The following CRX variants were observed in gnomAD, a reference collection of about 807,000 sequenced individuals.
The protein encoded by CRX is cone-rod homeobox, also known as cone-rod homeobox protein.
In CRX, 5 loss-of-function variants were observed where a neutral mutation model predicts 13.1. The observed-to-expected ratio is 0.38, with a 90% CI of 0.20 to 0.80. The LOEUF is 0.80. CRX is among the 30% of genes least tolerant of loss of function. The probability of loss-of-function intolerance (pLI) is 0.43; values close to 1 mark genes in which losing one functional copy is unlikely to be tolerated. For missense variants in CRX, 351 were observed against 391.8 expected (o/e 0.90, Z 0.88); for synonymous variants, 179 against 171.1 (o/e 1.05, Z -0.36).
intron 2 of CRX, 26 bp downstream of exon 2, chr19:47,834,569 C>A: frequency 6.3e-7 from 1 of 1,593,318 alleles, no homozygotes; most frequent in Admixed American, 1.7e-5. Context: ...TCTCTTGGCA[C>A]CCCAGGCTGG....
chr19:47,832,666 A>G (rs911017877), intron 1 of CRX, among the ~76,000 whole-genome samples: 1 of 146,648 alleles, frequency 6.8e-6, no homozygotes, highest in Non-Finnish European at 1.5e-5. Flanking sequence ...TTGTATTTTT[A>G]GTAGAGACGG....
intron 2 of CRX, among the ~76,000 whole-genome samples, chr19:47,835,617 C>CTTT (rs1431411160): frequency 1.2e-5 from 1 of 86,136 alleles, no homozygotes; most frequent in African/African-American, 4.6e-5. Flanking sequence ...TTCTTTAGCT[C>CTTT]TTGTTTTTTT....
chr19:47,841,918 C>T lies in CRX; in HGVS notation c.*1951C>T, dbSNP rs1212240403. 1.3e-5 allele frequency: 2 copies of T among 152,000 alleles called. No individual in the cohort carries two copies. Among genetic ancestry groups the T allele is most frequent in the African/African-American group, 4.8e-5 (2 of 41,346 alleles). 9.4% of individuals were successfully genotyped at this position (152,000 alleles called of 1,614,324 possible). On this transcript the variant is annotated 3_prime_UTR_variant, in exon 4 of 4. Transcript: ENST00000221996. ...TGGCAGAGGTCTAACAATGGGCTCT[C>T]CAAGGAAGAGGAAAAGGTTGGTTGT...
chr19:47,838,061 C>T (rs114126031), intron 3 of CRX, among the ~76,000 whole-genome samples: 26,831 of 151,738 alleles, frequency 0.18, 2,624 homozygotes, highest in Non-Finnish European at 0.22. Flanking sequence ...ATTGTATGCA[C>T]ATATGATTAG....
chr19:47,840,391 A>ATTT lies in CRX; in HGVS notation c.*433_*435dup. 1 of 196,122 alleles carries ATTT rather than the reference A, an allele frequency of 5.1e-6. No homozygotes were observed. Among genetic ancestry groups the ATTT allele is most frequent in the Non-Finnish European group, 1.0e-5 (1 of 95,746 alleles). The allele number at this position is 196,122 out of a possible 1,614,324, so 12.1% of individuals were successfully genotyped here. A position where few individuals can be genotyped will look rare whatever the true frequency, so the allele number is the denominator to read the frequency against. On this transcript the variant is annotated 3_prime_UTR_variant, in exon 4 of 4. Transcript: ENST00000221996. ...TAACTTAACTTTCCACGTGGACAGA[A>ATTT]TTTTTTTTTTTGTTTTGTTTTTGTT...
In CRX at chr19:47,839,228, TCA is replaced by T; in HGVS notation, c.253-90_253-89del. On this transcript the variant is annotated intron_variant, in intron 3 of 3. Coordinates refer to ENST00000221996, the MANE Select transcript of CRX (RefSeq NM_000554.6). The surrounding 1 kb of genome is among the most constrained non-coding windows in gnomAD (Gnocchi z 4.6). ...TAGACAGATGTGAACCCAGCACCTC[TCA>T]CCAATAAGTGTCCTCATCCCCGGGC... is the stretch of plus-strand genomic sequence containing the variant. 3 of 1,382,206 alleles carry T rather than the reference TCA, an allele frequency of 2.2e-6. No individual in the cohort carries two copies. The highest frequency in any genetic ancestry group is 2.7e-5 in the South Asian group (2 of 74,490). 85.6% of individuals were successfully genotyped at this position (1,382,206 alleles called of 1,614,324 possible).
At chr19:47,837,490 T>C (rs1037228538) in intron 3 of CRX, among the ~76,000 whole-genome samples, 2 of 152,196 alleles carry the variant, frequency 1.3e-5, no homozygotes, top group Admixed American at 1.3e-4. Flanking sequence ...TATGTATATA[T>C]GAGTGTATGC....
intron 1 of CRX, among the ~76,000 whole-genome samples, chr19:47,833,713 A>G (rs1362428923): frequency 6.6e-6 from 1 of 152,184 alleles, no homozygotes; most frequent in Non-Finnish European, 1.5e-5. Context: ...CTGGGCAAAG[A>G]GGGACGGTTG....
chr19:47,836,548 C>T (rs370313100), intron 3 of CRX, among the ~76,000 whole-genome samples, 154 bp downstream of exon 3: 1 of 152,212 alleles, frequency 6.6e-6, no homozygotes, highest in African/African-American at 2.4e-5. Context: ...TCCCACTGAC[C>T]GCCTCATGGC....
intron 1 of CRX, among the ~76,000 whole-genome samples, chr19:47,833,919 G>A (rs929732314): frequency 1.3e-5 from 2 of 151,914 alleles, no homozygotes; most frequent in Admixed American, 1.3e-4. Flanking sequence ...GGGCTCAAGT[G>A]ATCCTCCCAC....
At position 47,836,277 on chromosome 19, in the gene CRX, C is replaced by A; in HGVS notation, c.135C>A (p.Thr45=). ...APRKQRRERT[T]FTRSQLEELE... ...GGAAGCAGCGGCGGGAGCGCACCAC[C>A]TTCACCCGGAGCCAACTGGAGGAGC... The change falls in exon 3 of 4, where the codon ACC becomes ACA. Residue 45 remains threonine, a synonymous_variant. Coordinates refer to ENST00000221996, the MANE Select transcript of CRX (RefSeq NM_000554.6). 2 of 1,614,196 alleles carry A rather than the reference C, an allele frequency of 1.2e-6. No homozygotes were observed. The highest frequency in any genetic ancestry group is 1.7e-6 in the Non-Finnish European group (2 of 1,180,030).
At chr19:47,838,449 A>G (rs1599989015) in intron 3 of CRX, among the ~76,000 whole-genome samples, 1 of 152,210 alleles carries the variant, frequency 6.6e-6, no homozygotes, top group Non-Finnish European at 1.5e-5. Context: ...ATGTGTGTAC[A>G]ATGTATGTAT....
intron 1 of CRX, among the ~76,000 whole-genome samples, chr19:47,827,537 CTTTTTTTT>C (rs71180887): frequency 1.1e-5 from 1 of 90,384 alleles, no homozygotes; most frequent in East Asian, 3.1e-4. Context: ...TTTCTGAAGG[CTTTTTTTT>C]TTTTTTTTTT....
At position 47,839,129 on chromosome 19, in the gene CRX, T is replaced by C. The variant is rs147313564; in HGVS notation, c.253-191T>C. Among the ~76,000 whole-genome samples the C allele has an allele frequency of 2.1e-3, 318 of 152,220 alleles. 1 individual carries two copies. Among genetic ancestry groups the C allele is most frequent in the African/African-American group, 7.3e-3 (304 of 41,512 alleles). ...TGGGTATGATGTATGCATGTGTTCA[T>C]GCACACATGCAGGTATGATTGGATG... is the stretch of plus-strand genomic sequence containing the variant. On this transcript the variant is annotated intron_variant, in intron 3 of 3. Coordinates refer to ENST00000221996, the MANE Select transcript of CRX (RefSeq NM_000554.6). The surrounding 1 kb of genome is among the most constrained non-coding windows in gnomAD (Gnocchi z 4.6).
At chr19:47,828,083 G>A (rs939582098) in intron 1 of CRX, among the ~76,000 whole-genome samples, 1 of 151,712 alleles carries the variant, frequency 6.6e-6, no homozygotes, top group Non-Finnish European at 1.5e-5. Flanking sequence ...GACCCTGGGA[G>A]GCAGAGGCTG....
intron 3 of CRX, 130 bp downstream of exon 3, chr19:47,836,524 C>A (rs73941295): frequency 8.1e-7 from 1 of 1,232,896 alleles, no homozygotes; most frequent in African/African-American, 1.5e-5. Context: ...GGACAATAAT[C>A]CCTCTCCCCA....
Position 47,840,255 on chromosome 19 carries a change from T to C in CRX, c.*288T>C. ...ACCACGAGCTCCAGGCTTCAGAAAG[T>C]GGTGCTGAGAACTTGCTCCAAGAAG... On this transcript the variant is annotated 3_prime_UTR_variant, in exon 4 of 4. Coordinates refer to ENST00000221996, the MANE Select transcript of CRX (RefSeq NM_000554.6). The C allele has an allele frequency of 2.3e-6, 1 of 431,222 alleles. No homozygotes were observed. The highest frequency in any genetic ancestry group is 2.6e-5 in the South Asian group (1 of 38,336). 26.7% of individuals were successfully genotyped at this position (431,222 alleles called of 1,614,324 possible).
intron 1 of CRX, among the ~76,000 whole-genome samples, chr19:47,831,903 C>T (rs1363405233): frequency 6.6e-6 from 1 of 151,240 alleles, no homozygotes; most frequent in African/African-American, 2.4e-5. Flanking sequence ...CCACCACGCC[C>T]GGATAATTTT....
intron 1 of CRX, among the ~76,000 whole-genome samples, chr19:47,828,560 A>G (rs997979608): frequency 7.9e-5 from 12 of 152,124 alleles, no homozygotes; most frequent in African/African-American, 2.9e-4. Context: ...ATAAACAAAC[A>G]TATAAATATG....
Sources: allele counts gnomAD v4.1 joint callset (sites outside exome capture counted in the v4.1 genomes callset), GRCh38; gene constraint gnomAD v4.1.1; non-coding constraint Gnocchi (gnomAD v3.1); transcripts MANE v1.5; gene names NCBI Gene and HGNC (gene_info 2026-07-23, HGNC 2026-07-21).